The following AFG2A variants were observed in gnomAD, a reference collection of about 807,000 sequenced individuals.
The protein encoded by AFG2A is ATPase family gene 2 protein homolog A.
the AFG2A span, among the ~76,000 whole-genome samples, chr4:123,085,758 G>A: frequency 6.6e-5 from 10 of 151,238 alleles, no homozygotes; most frequent in Non-Finnish European, 1.2e-4. Context: ...TCTATTAGTC[G>A]CCTTTGTTCT....
the AFG2A span, among the ~76,000 whole-genome samples, chr4:122,950,108 A>G: frequency 6.6e-6 from 1 of 152,222 alleles, no homozygotes; most frequent in Non-Finnish European, 1.5e-5. Context: ...AAGAGTATAC[A>G]TGATGGGGTG....
chr4:122,936,431 G>T, the AFG2A span, among the ~76,000 whole-genome samples: 1 of 152,216 alleles, frequency 6.6e-6, no homozygotes, highest in East Asian at 1.9e-4. Flanking sequence ...TTCTTTAGGT[G>T]CTTAGGTGTT....
At chr4:123,055,612 G>A in the AFG2A span, among the ~76,000 whole-genome samples, 1 of 152,074 alleles carries the variant, frequency 6.6e-6, no homozygotes, top group Non-Finnish European at 1.5e-5. Context: ...TTACATCCTC[G>A]GAATTGGCTG....
chr4:123,269,826 T>C, the AFG2A span, among the ~76,000 whole-genome samples: 7 of 152,214 alleles, frequency 4.6e-5, no homozygotes, highest in Non-Finnish European at 1.5e-5. Context: ...ATAGTTTGTT[T>C]TGTTTTGTTG....
the AFG2A span, among the ~76,000 whole-genome samples, chr4:123,162,325 A>C: frequency 9.2e-5 from 14 of 152,376 alleles, no homozygotes; most frequent in East Asian, 1.7e-3. Flanking sequence ...CATATAACAG[A>C]ACCATCTAAT....
the AFG2A span, among the ~76,000 whole-genome samples, chr4:122,951,104 C>T: frequency 6.6e-6 from 1 of 150,438 alleles, no homozygotes; most frequent in Non-Finnish European, 1.5e-5. Context: ...TGTGGGGATC[C>T]ACATGGTAGA....
the AFG2A span, among the ~76,000 whole-genome samples, chr4:123,269,993 T>C: frequency 2.4e-4 from 37 of 152,184 alleles, 1 homozygote; most frequent in Admixed American, 2.2e-3. Flanking sequence ...ATTATTTGTA[T>C]TTTAGTAGAG....
chr4:123,041,002 G>A, the AFG2A span, among the ~76,000 whole-genome samples: 11 of 151,834 alleles, frequency 7.2e-5, no homozygotes, highest in South Asian at 2.1e-3. Flanking sequence ...TTGTCTATTT[G>A]TGTATTCTGT....
the AFG2A span, among the ~76,000 whole-genome samples, chr4:122,983,603 G>A: frequency 2.6e-5 from 4 of 151,728 alleles, no homozygotes; most frequent in African/African-American, 7.3e-5. Flanking sequence ...CCAGATATTT[G>A]TGGATTTTCC....
At chr4:123,288,038 T>G in the AFG2A span, among the ~76,000 whole-genome samples, 8 of 151,926 alleles carry the variant, frequency 5.3e-5, no homozygotes, top group Admixed American at 5.2e-4. Flanking sequence ...AGAGCCCAGT[T>G]GAAAAAAAGT....
the AFG2A span, among the ~76,000 whole-genome samples, chr4:123,224,465 G>GT: frequency 2.9e-4 from 44 of 152,028 alleles, 1 homozygote; most frequent in South Asian, 7.9e-3. Context: ...GCGGTGTTTG[G>GT]TTTTTTGTCC....
the AFG2A span, among the ~76,000 whole-genome samples, chr4:123,098,756 C>T: frequency 1.6e-4 from 25 of 151,826 alleles, no homozygotes; most frequent in Non-Finnish European, 2.5e-4. Flanking sequence ...TTTCTTTATC[C>T]GCTTATTCTT....
chr4:122,933,415 T>C, the AFG2A span: 8 of 1,600,578 alleles, frequency 5.0e-6, no homozygotes, highest in Non-Finnish European at 8.5e-7. Flanking sequence ...TGCTGATTTC[T>C]GTTCCCTTCT....
At chr4:122,950,773 A>G in the AFG2A span, among the ~76,000 whole-genome samples, 1 of 152,228 alleles carries the variant, frequency 6.6e-6, no homozygotes, top group Non-Finnish European at 1.5e-5. Context: ...AGTGGCAGCC[A>G]TCCAATAGGG....
the AFG2A span, among the ~76,000 whole-genome samples, chr4:123,060,775 CA>C: frequency 2.6e-5 from 4 of 152,170 alleles, no homozygotes; most frequent in African/African-American, 9.7e-5. Flanking sequence ...GTTACTTAAG[CA>C]AATTACTGCA....
the AFG2A span, among the ~76,000 whole-genome samples, chr4:123,160,372 G>T: frequency 6.6e-6 from 1 of 152,052 alleles, no homozygotes; most frequent in African/African-American, 2.4e-5. Context: ...AATTACTGTG[G>T]CCAGCTTCTT....
the AFG2A span, among the ~76,000 whole-genome samples, chr4:123,191,225 T>G: frequency 6.6e-6 from 1 of 152,222 alleles, no homozygotes; most frequent in Non-Finnish European, 1.5e-5. Context: ...AATCTGTGTT[T>G]AGATATTACT....
chr4:123,020,488 C>A, the AFG2A span, among the ~76,000 whole-genome samples: 1 of 151,792 alleles, frequency 6.6e-6, no homozygotes, highest in African/African-American at 2.4e-5. Flanking sequence ...CTTGCCTCAG[C>A]CTCCCGAGTA....
chr4:122,944,714 G>C, the AFG2A span, among the ~76,000 whole-genome samples: 65,990 of 151,930 alleles, frequency 0.43, 16,996 homozygotes, highest in Non-Finnish European at 0.57. Flanking sequence ...GAGGCACTCT[G>C]CTTTTTAGAG....
Sources: gnomAD v4.1 joint callset for allele counts (sites outside exome capture counted in the v4.1 genomes callset) on GRCh38, gnomAD v4.1.1 for gene constraint, MANE v1.5 for transcripts, NCBI Gene and HGNC (gene_info 2026-07-23, HGNC 2026-07-21) for gene names.